Variants in DPP6 observed in about 807,000 individuals in gnomAD.
DPP6 encodes dipeptidyl peptidase like 6, also known as A-type potassium channel modulatory protein DPP6.
In DPP6, 69 loss-of-function variants were observed where a neutral mutation model predicts 122.6. The ratio of observed to expected loss-of-function variants is 0.56; its 90% CI spans 0.46 to 0.69. DPP6 has a LOEUF of 0.69. Among genes scored for constraint, DPP6 ranks in the 30% least tolerant of loss-of-function variants. The probability of loss-of-function intolerance (pLI) is 0.00; values close to 1 mark genes in which losing one functional copy is unlikely to be tolerated. For synonymous variants in DPP6, 418 were observed against 433.1 expected, an observed-to-expected ratio of 0.97 and a Z score of 0.43; for missense variants, 928 against 1,116.9, an observed-to-expected ratio of 0.83 and a Z score of 2.41.
chr7:154,597,174 C>CAG (rs10625377), intron 5 of DPP6, among the ~76,000 whole-genome samples: 82,380 of 148,782 alleles, frequency 0.55, 22,774 homozygotes, highest in East Asian at 0.68. Flanking sequence ...GGAGAGAAGA[C>CAG]AGAGAGAGAG....
At chr7:154,694,078 T>A (rs1163196883) in intron 7 of DPP6, among the ~76,000 whole-genome samples, 1 of 152,196 alleles carries the variant, frequency 6.6e-6, no homozygotes, top group Admixed American at 6.5e-5. Flanking sequence ...ATTCTGTGCC[T>A]GGTGAGGGCC....
intron 3 of DPP6, among the ~76,000 whole-genome samples, chr7:154,514,200 C>G (rs539581297): frequency 6.6e-6 from 1 of 151,972 alleles, no homozygotes; most frequent in African/African-American, 2.4e-5. Flanking sequence ...CCCTTGAACC[C>G]GGGAGGCAGA....
intron 1 of DPP6, among the ~76,000 whole-genome samples, chr7:154,053,330 G>A (rs1040061417): frequency 1.3e-5 from 2 of 152,058 alleles, no homozygotes; most frequent in Non-Finnish European, 2.9e-5. Context: ...GCTGGGATCT[G>A]GAATTCGCCT....
rs1799622927 is a variant in DPP6, at chr7:154,209,493, ACT to A, written c.243+156433_243+156434del. On this transcript the variant is annotated intron_variant, in intron 1 of 25. Coordinates refer to ENST00000377770, the MANE Select transcript of DPP6 (RefSeq NM_130797.4). The stretch of plus-strand genomic sequence containing the variant: ...TAACTCTAGAGATTAAAATCCAGTA[ACT>A]CTAGATTAAAATCTAGTAACTCTCA... Among the ~76,000 whole-genome samples the A allele has an allele frequency of 4.6e-5, 7 of 151,888 alleles. No homozygotes were observed. In the South Asian group the frequency reaches 1.5e-3, roughly 32 times the overall value.
At chr7:154,140,338 T>C (rs1795783476) in intron 1 of DPP6, among the ~76,000 whole-genome samples, 1 of 152,170 alleles carries the variant, frequency 6.6e-6, no homozygotes, top group African/African-American at 2.4e-5. Context: ...TCACACCAAG[T>C]TTACTCTGAC....
intron 3 of DPP6, among the ~76,000 whole-genome samples, chr7:154,489,822 C>T (rs768043654): frequency 6.6e-6 from 1 of 152,152 alleles, no homozygotes; most frequent in Non-Finnish European, 1.5e-5. Flanking sequence ...CTCCTGTGCT[C>T]CTGCCTCAGG....
At chr7:154,432,756 A>G (rs1376048777) in intron 1 of DPP6, among the ~76,000 whole-genome samples, 2 of 152,204 alleles carry the variant, frequency 1.3e-5, no homozygotes, top group Non-Finnish European at 2.9e-5. Context: ...TGAAACATTC[A>G]AGACACGGAA....
chr7:153,875,311 A>G, the DPP6 span, among the ~76,000 whole-genome samples: 2 of 152,192 alleles, frequency 1.3e-5, no homozygotes, highest in Non-Finnish European at 2.9e-5. Flanking sequence ...TTTGAAAAAC[A>G]AAAACCTAGG....
intron 7 of DPP6, among the ~76,000 whole-genome samples, chr7:154,682,848 C>G (rs1023916858): frequency 2.6e-5 from 4 of 152,204 alleles, no homozygotes; most frequent in African/African-American, 7.2e-5. Flanking sequence ...AACACAGTGC[C>G]TTACTCGTGC....
intron 4 of DPP6, among the ~76,000 whole-genome samples, chr7:154,545,474 T>C (rs4726427): frequency 3.5e-4 from 36 of 103,632 alleles, no homozygotes; most frequent in South Asian, 7.1e-4. Context: ...CTCCCTCCCT[T>C]CCTTCCTTCC....
Position 154,885,651 on chromosome 7 carries a change from A to G in DPP6, c.2152A>G (p.Ser718Gly). The G allele has an allele frequency of 6.3e-7, 1 of 1,581,142 alleles. No individual in the cohort carries two copies. Among genetic ancestry groups the G allele is most frequent in the Non-Finnish European group, 8.6e-7 (1 of 1,163,766 alleles). Residue 718 changes from serine (S) to glycine (G), a missense_variant, in exon 22 of 26, where the codon AGC (serine) becomes GGC (glycine). Coordinates refer to ENST00000377770, the MANE Select transcript of DPP6 (RefSeq NM_130797.4). ...VFGKDYGGYL[S>G]TYILPAKGEN... ...TCTCCAGGATTACGGTGGCTACCTG[A>G]GCACCTACATCCTCCCAGCAAAGGG... is the stretch of plus-strand genomic sequence containing the variant.
At chr7:154,793,876 G>A in intron 10 of DPP6, 1 of 708,592 alleles carries the variant, frequency 1.4e-6, no homozygotes, top group South Asian at 2.4e-5. Flanking sequence ...TTAGCAAGAG[G>A]TAATGACTGG....
intron 1 of DPP6, among the ~76,000 whole-genome samples, chr7:154,205,305 A>C (rs538562503): frequency 2.0e-5 from 3 of 152,260 alleles, no homozygotes; most frequent in African/African-American, 7.2e-5. Context: ...TTCTGTCCTC[A>C]CAGGACCCCT....
intron 1 of DPP6, among the ~76,000 whole-genome samples, chr7:154,217,103 G>A (rs796516808): frequency 1.2e-4 from 18 of 151,270 alleles, no homozygotes; most frequent in African/African-American, 4.4e-4. Context: ...TTTTTTTAAA[G>A]AACTCTCAAA....
intron 1 of DPP6, among the ~76,000 whole-genome samples, chr7:154,395,100 A>G (rs775675126): frequency 6.6e-6 from 1 of 152,164 alleles, no homozygotes; most frequent in Non-Finnish European, 1.5e-5. Flanking sequence ...GCACTGGCAG[A>G]TTTCACATCT....
intron 1 of DPP6, among the ~76,000 whole-genome samples, chr7:154,295,118 C>T (rs1805454312): frequency 6.6e-6 from 1 of 152,172 alleles, no homozygotes; most frequent in Non-Finnish European, 1.5e-5. Context: ...GCAAAACAAC[C>T]TGAATGAAAT....
intron 1 of DPP6, among the ~76,000 whole-genome samples, chr7:154,436,087 C>A (rs907777574): frequency 6.6e-6 from 1 of 152,006 alleles, no homozygotes; most frequent in Non-Finnish European, 1.5e-5. Context: ...TAATTAATAT[C>A]TGACTTCTTC....
At chr7:153,907,336 A>G in intron 1 of DPP6, among the ~76,000 whole-genome samples, 1 of 152,116 alleles carries the variant, frequency 6.6e-6, no homozygotes, top group East Asian at 1.9e-4. Flanking sequence ...TCACAGCTGG[A>G]TTGTTCAGTT....
intron 1 of DPP6, among the ~76,000 whole-genome samples, chr7:154,064,758 T>C (rs1490511483): frequency 6.6e-6 from 1 of 152,174 alleles, no homozygotes; most frequent in East Asian, 1.9e-4. Context: ...AGAGGCATGC[T>C]CTCTCCCAGG....
Sources: gnomAD v4.1 joint callset for allele counts (sites outside exome capture counted in the v4.1 genomes callset) on GRCh38, gnomAD v4.1.1 for gene constraint, MANE v1.5 for transcripts, NCBI Gene and HGNC (gene_info 2026-07-23, HGNC 2026-07-21) for gene names.